Variants in KIF21B observed in about 807,000 individuals in gnomAD.
KIF21B encodes kinesin-like protein KIF21B.
A neutral mutation model predicts 192.9 loss-of-function variants in KIF21B; 85 were observed. The ratio of observed to expected loss-of-function variants is 0.44; its 90% CI spans 0.37 to 0.53. KIF21B has a LOEUF of 0.53. Among genes scored for constraint, KIF21B ranks in the 20% least tolerant of loss-of-function variants. The probability of loss-of-function intolerance (pLI) is 0.00; values close to 1 mark genes in which losing one functional copy is unlikely to be tolerated. For synonymous variants in KIF21B, 832 were observed against 884.6 expected, an observed-to-expected ratio of 0.94 and a Z score of 1.05; for missense variants, 1,716 against 2,194.8, an observed-to-expected ratio of 0.78 and a Z score of 4.36.
At position 200,990,374 on chromosome 1, in the gene KIF21B, G is replaced by A. The variant is rs1432940381; in HGVS notation, c.2836-42C>T. On this transcript the variant is annotated intron_variant, in intron 19 of 34. Coordinates refer to ENST00000461742, the MANE Select transcript of KIF21B (RefSeq NM_001252102.2). The surrounding 1 kb of genome is among the most constrained non-coding windows in gnomAD (Gnocchi z 5.4). Reference sequence around the variant, plus strand: ...GGGTGGTGATTGTGATGAAGGAGAGGCCTCAGGTAGCTGCCAAGCCCTGCC... The same window carrying A: ...GGGTGGTGATTGTGATGAAGGAGAGACCTCAGGTAGCTGCCAAGCCCTGCC... 1.3e-6 allele frequency: 2 copies of A among 1,549,530 alleles called. No individual in the cohort carries two copies. The highest frequency in any genetic ancestry group is 2.4e-5 in the South Asian group (2 of 84,848).
chr1:201,023,622 C>T lies in KIF21B; in HGVS notation c.-239G>A, dbSNP rs1659009215. ...CCATCGGGCGGCGGCGCGGAGCTAG[C>T]TGACAGCCGGCGGCGCGACCCGCCG... On this transcript the variant is annotated 5_prime_UTR_variant, in exon 1 of 35. Coordinates refer to ENST00000461742, the MANE Select transcript of KIF21B (RefSeq NM_001252102.2). The surrounding 1 kb of genome is among the most constrained non-coding windows in gnomAD (Gnocchi z 5.9). The T allele has an allele frequency of 6.6e-6, 1 of 150,658 alleles. No homozygotes were observed. Among genetic ancestry groups the T allele is most frequent in the African/African-American group, 2.4e-5 (1 of 41,120 alleles). 9.3% of individuals were successfully genotyped at this position (150,658 alleles called of 1,614,324 possible).
chr1:201,007,331 C>CAGAG (rs1657926376), intron 3 of KIF21B, among the ~76,000 whole-genome samples: 1 of 106,118 alleles, frequency 9.4e-6, no homozygotes, highest in Non-Finnish European at 1.9e-5. Flanking sequence ...CACACAGACA[C>CAGAG]ACACACAGAC....
intron 7 of KIF21B, 44 bp downstream of exon 7, chr1:201,004,296 C>A (rs1352280606): frequency 6.7e-6 from 10 of 1,484,108 alleles, no homozygotes; most frequent in Non-Finnish European, 9.2e-6. Context: ...CCAGGAACCT[C>A]CCTGCCTCCC....
chr1:200,996,274 C>A lies in KIF21B; in HGVS notation c.2199G>T (p.Arg733=). The A allele has an allele frequency of 6.2e-7, 1 of 1,614,132 alleles. No homozygotes were observed. The highest frequency in any genetic ancestry group is 8.5e-7 in the Non-Finnish European group (1 of 1,180,040). Residue 733 remains arginine (R), a synonymous_variant, in exon 15 of 35, where the codon CGG becomes CGT. Coordinates refer to ENST00000461742, the MANE Select transcript of KIF21B (RefSeq NM_001252102.2). ...KLQAAQKEHA[R]LLKNQSRYER... ...CGTAGCGCGACTGGTTCTTAAGCAG[C>A]CGGGCGTGCTCTTTCTGGGCGGCCT...
rs769244143 is a variant in KIF21B at position 200,988,905 on chromosome 1, G to A, written c.3159C>T (p.Ala1053=). The A allele has an allele frequency of 6.2e-7, 1 of 1,612,192 alleles. No individual in the cohort carries two copies. The highest frequency in any genetic ancestry group is 8.5e-7 in the Non-Finnish European group (1 of 1,179,258). Residue 1053 remains alanine (A), a synonymous_variant, in exon 22 of 35, where the codon GCC becomes GCT. Coordinates refer to ENST00000461742, the MANE Select transcript of KIF21B (RefSeq NM_001252102.2). ...DKGLQVAQKE[A]QIRLLEGRLR... is the part of the protein sequence containing the mutation. Reference sequence around the variant, plus strand: ...GTCGGCCCTCCAACAGCCGGATCTGGGCTTCCTTTTGTGCCACTTGCAGCC... The same window carrying A: ...GTCGGCCCTCCAACAGCCGGATCTGAGCTTCCTTTTGTGCCACTTGCAGCC...
chr1:201,012,283 C>G (rs1372529644), intron 1 of KIF21B, among the ~76,000 whole-genome samples: 1 of 152,184 alleles, frequency 6.6e-6, no homozygotes, highest in Admixed American at 6.5e-5. Context: ...GGCTGGGAGA[C>G]AGGGGGGCAT....
At chr1:201,013,171 G>A (rs968413444) in intron 1 of KIF21B, among the ~76,000 whole-genome samples, 3 of 152,166 alleles carry the variant, frequency 2.0e-5, no homozygotes, top group Admixed American at 6.5e-5. Flanking sequence ...TCAAACTGAC[G>A]CCCCACAGGT....
intron 21 of KIF21B, 114 bp from the exon 22 acceptor site, chr1:200,989,045 A>T: frequency 9.1e-7 from 1 of 1,099,218 alleles, no homozygotes; most frequent in Non-Finnish European, 1.3e-6. Flanking sequence ...AGCTCCCAAC[A>T]TCACCCTTGT....
rs1325495329 is a variant in KIF21B, at chr1:200,986,879, C to G, written c.3654G>C (p.Thr1218=). ...GCCCTCGGTCGTAGGACTTCCTTCT[C>G]GTCAGCGGGGACGTCTCTGTGGCTC... ...QSRATETSPL[T]RRKSYDRGQP... The change falls in exon 26 of 35, where the codon ACG becomes ACC. Residue 1218 remains threonine (T), a synonymous_variant. Transcript: ENST00000461742. 2 of 1,613,924 alleles carry G rather than the reference C, an allele frequency of 1.2e-6. No homozygotes were observed. Among genetic ancestry groups the G allele is most frequent in the Non-Finnish European group, 1.7e-6 (2 of 1,179,900 alleles).
At chr1:200,983,025 G>A (rs1200033397) in intron 28 of KIF21B, 31 bp downstream of exon 28, 2 of 1,532,612 alleles carry the variant, frequency 1.3e-6, no homozygotes, top group East Asian at 4.9e-5. Context: ...TGAGAGTGGG[G>A]AACCAAACAC....
At position 200,982,277 on chromosome 1, in the gene KIF21B, G is replaced by T. The variant is rs1049421791; in HGVS notation, c.3842+779C>A. On this transcript the variant is annotated intron_variant, in intron 28 of 34. Transcript: ENST00000461742. This position sits in a 1 kb window ranked among gnomAD's most constrained non-coding sequence, Gnocchi z 4.7. Reference sequence around the variant, plus strand: ...AGCCTGGCCAGCTGGCTAACATCTTGTGGTGGCAAAGCCTCATGATTCACA... The same window carrying T: ...AGCCTGGCCAGCTGGCTAACATCTTTTGGTGGCAAAGCCTCATGATTCACA... 1.3e-5 allele frequency among the ~76,000 whole-genome samples: 2 copies of T among 152,190 alleles called. No individual in the cohort carries two copies. The highest frequency in any genetic ancestry group is 4.8e-5 in the African/African-American group (2 of 41,458).
At chr1:200,993,443 A>G (rs1451027637) in intron 15 of KIF21B, among the ~76,000 whole-genome samples, 1 of 152,174 alleles carries the variant, frequency 6.6e-6, no homozygotes, top group Non-Finnish European at 1.5e-5. Flanking sequence ...CCCTCAAAAC[A>G]GTCAAGAAAG....
rs74138804 is a variant in KIF21B, at chr1:200,986,922, C to A, written c.3615-4G>T. ...TGTGGCTCGAGATTGCCTAGGGCTA[C>A]AACAGAAGAGTCCAGTGAGGCCCAG... On this transcript the variant is annotated splice_polypyrimidine_tract_variant and splice_region_variant and intron_variant, in intron 25 of 34. Transcript: ENST00000461742. 2,943 of 1,613,634 alleles carry A rather than the reference C, an allele frequency of 1.8e-3. 46 individuals are homozygous for A. In the African/African-American group the frequency reaches 0.034, roughly 19 times the overall value.
intron 29 of KIF21B, among the ~76,000 whole-genome samples, 153 bp from the exon 30 acceptor site, chr1:200,979,868 T>A (rs1655807095): frequency 1.3e-5 from 2 of 152,118 alleles, no homozygotes; most frequent in Admixed American, 1.3e-4. Flanking sequence ...AAAAAACACA[T>A]ACACATGTGC....
In KIF21B at chr1:200,979,435, C is replaced by T. The variant is rs537060968; in HGVS notation, c.4160+100G>A. The stretch of plus-strand genomic sequence containing the variant: ...GTAATGGTCTCTGTGCCCATGTAGC[C>T]GGGCTGTGCTGTGCTGAGTGGGTCA... On this transcript the variant is annotated intron_variant, in intron 30 of 34. Transcript: ENST00000461742. 3.8e-5 allele frequency: 32 copies of T among 846,658 alleles called. No homozygotes were observed. In the East Asian group the frequency reaches 6.6e-4, roughly 18 times the overall value. 52.4% of individuals were successfully genotyped at this position (846,658 alleles called of 1,614,324 possible).
rs992295708 is a variant in KIF21B, at chr1:200,982,400, C to T, written c.3842+656G>A. Among the ~76,000 whole-genome samples, 4 of 152,228 alleles carry T rather than the reference C, an allele frequency of 2.6e-5. No individual in the cohort carries two copies. Among genetic ancestry groups the T allele is most frequent in the African/African-American group, 7.2e-5 (3 of 41,458 alleles). On this transcript the variant is annotated intron_variant, in intron 28 of 34. Coordinates refer to ENST00000461742, the MANE Select transcript of KIF21B (RefSeq NM_001252102.2). This position sits in a 1 kb window ranked among gnomAD's most constrained non-coding sequence, Gnocchi z 4.7. Reference sequence around the variant, plus strand: ...CTCTCAGCCCACGAGGGGCCCTTGGCTTGTCAGGGGCTCGGGACCCCAGGT... The same window carrying T: ...CTCTCAGCCCACGAGGGGCCCTTGGTTTGTCAGGGGCTCGGGACCCCAGGT...
In KIF21B at chr1:201,003,786, G is replaced by C. The variant is rs575168914; in HGVS notation, c.1017-5C>G. 5.0e-6 allele frequency: 8 copies of C among 1,614,038 alleles called. No homozygotes were observed. The highest frequency in any genetic ancestry group is 2.2e-5 in the South Asian group (2 of 91,066). On this transcript the variant is annotated splice_polypyrimidine_tract_variant and splice_region_variant and intron_variant, in intron 7 of 34. Transcript: ENST00000461742. ...CAGGCGATCATGATGGTCTGGCTGGGGGTGCAGAAAGGCTGTTGTGAGGGT... is the reference window on the plus strand; with the variant it reads ...CAGGCGATCATGATGGTCTGGCTGGCGGTGCAGAAAGGCTGTTGTGAGGGT...
chr1:200,974,250 G>C (rs1407567391), intron 34 of KIF21B: 6 of 1,506,762 alleles, frequency 4.0e-6, no homozygotes, highest in Non-Finnish European at 4.4e-6. Context: ...ATGGGAAGGG[G>C]AGGGGAGAGA....
chr1:200,983,204 C>T (rs904784728), intron 27 of KIF21B, 110 bp from the exon 28 acceptor site: 1 of 908,478 alleles, frequency 1.1e-6, no homozygotes, highest in Non-Finnish European at 1.7e-6. Flanking sequence ...TTATTCTCTT[C>T]CAGCGGAGCA....
Sources: gnomAD v4.1 joint callset for allele counts (sites outside exome capture counted in the v4.1 genomes callset) on GRCh38, gnomAD v4.1.1 for gene constraint, Gnocchi (gnomAD v3.1) non-coding constraint, MANE v1.5 for transcripts, NCBI Gene and HGNC (gene_info 2026-07-23, HGNC 2026-07-21) for gene names.